Variants in ALDH5A1 observed in about 807,000 individuals in gnomAD.
ALDH5A1 encodes succinate-semialdehyde dehydrogenase, mitochondrial.
In ALDH5A1, 33 loss-of-function variants were observed where a neutral mutation model predicts 54.7. The ratio of observed to expected loss-of-function variants is 0.60; its 90% CI spans 0.46 to 0.81. The LOEUF (loss-of-function observed/expected upper bound fraction) is 0.81, where lower values mean the gene tolerates loss of function less well. ALDH5A1 is among the 30% of genes least tolerant of loss of function. The pLI is 0.00. For synonymous variants in ALDH5A1, 294 were observed against 292.7 expected (o/e 1.00, Z -0.05); for missense variants, 657 against 711.0 (o/e 0.92, Z 0.86).
Position 24,536,877 on chromosome 6 carries a change from A to G in ALDH5A1, c.*3165A>G, listed in dbSNP as rs546595098. 6.5e-6 allele frequency: 1 copy of G among 152,756 alleles called. No individual in the cohort carries two copies. Among genetic ancestry groups the G allele is most frequent in the South Asian group, 2.1e-4 (1 of 4,828 alleles). The allele number at this position is 152,756 out of a possible 1,614,324, so 9.5% of individuals were successfully genotyped here. A position where few individuals can be genotyped will look rare whatever the true frequency, so the allele number is the denominator to read the frequency against. ...AAAGATCAGAAGCAAATGTGAGCAA[A>G]TCTGTTTTACTGTTAACTTCAATTA... is the stretch of plus-strand genomic sequence containing the variant. On this transcript the variant is annotated 3_prime_UTR_variant, in exon 10 of 10. Coordinates refer to ENST00000357578, the MANE Select transcript of ALDH5A1 (RefSeq NM_001080.3).
At chr6:24,521,692 G>A (rs1759683640) in intron 6 of ALDH5A1, among the ~76,000 whole-genome samples, 1 of 151,902 alleles carries the variant, frequency 6.6e-6, no homozygotes, top group African/African-American at 2.4e-5. Flanking sequence ...AATACAAAAT[G>A]TCAATATATG....
intron 8 of ALDH5A1, among the ~76,000 whole-genome samples, chr6:24,528,527 T>A (rs1180774485): frequency 6.6e-6 from 1 of 151,848 alleles, no homozygotes; most frequent in Non-Finnish European, 1.5e-5. Flanking sequence ...CATACCAGGC[T>A]AATTTTTTGT....
chr6:24,499,339 T>G (rs1451175811), intron 1 of ALDH5A1, among the ~76,000 whole-genome samples: 4 of 152,166 alleles, frequency 2.6e-5, no homozygotes, highest in African/African-American at 9.7e-5. Context: ...CCTGTGCAGA[T>G]GTGGGAAGCT....
intron 4 of ALDH5A1, among the ~76,000 whole-genome samples, chr6:24,511,355 G>T (rs925563673): frequency 2.0e-5 from 3 of 152,078 alleles, no homozygotes; most frequent in African/African-American, 7.2e-5. Flanking sequence ...CTTGTATTTG[G>T]ATGTCTAGGT....
chr6:24,525,370 C>A (rs914079755), intron 7 of ALDH5A1, among the ~76,000 whole-genome samples: 11 of 151,996 alleles, frequency 7.2e-5, no homozygotes, highest in Non-Finnish European at 1.6e-4. Context: ...AGAATGCACT[C>A]ACACCTATAT....
intron 8 of ALDH5A1, among the ~76,000 whole-genome samples, 161 bp downstream of exon 8, chr6:24,528,327 T>A (rs1759862037): frequency 6.6e-6 from 1 of 152,134 alleles, no homozygotes; most frequent in African/African-American, 2.4e-5. Context: ...TTTAAAAAAA[T>A]CATAACTTAT....
At chr6:24,520,657 T>C in intron 6 of ALDH5A1, 113 bp downstream of exon 6, 1 of 1,478,818 alleles carries the variant, frequency 6.8e-7, no homozygotes, top group East Asian at 2.5e-5. Flanking sequence ...TGCGTGTGTG[T>C]GTGTTACAAA....
intron 4 of ALDH5A1, among the ~76,000 whole-genome samples, chr6:24,510,154 G>T (rs1759435241): frequency 6.6e-6 from 1 of 152,070 alleles, no homozygotes; most frequent in Non-Finnish European, 1.5e-5. Flanking sequence ...TTATTCCACT[G>T]TGGTCTGAGA....
intron 5 of ALDH5A1, 86 bp from the exon 6 acceptor site, chr6:24,520,315 C>A (rs1314264153): frequency 2.6e-6 from 4 of 1,562,790 alleles, no homozygotes. Flanking sequence ...TTGCTTTTTT[C>A]ACCATTTGGT....
At position 24,495,113 on chromosome 6, in the gene ALDH5A1, C is replaced by A; in HGVS notation, c.117C>A (p.Pro39=). Residue 39 remains proline (P), a synonymous_variant, in exon 1 of 10, where the codon CCC becomes CCA. Coordinates refer to ENST00000357578, the MANE Select transcript of ALDH5A1 (RefSeq NM_001080.3). ...GGLVPASGPA[P]GPAQLRCYAG... ...TGGTCCCTGCCTCCGGGCCTGCGCCCGGCCCGGCCCAGCTCCGCTGCTACG... is the reference window on the plus strand; with the variant it reads ...TGGTCCCTGCCTCCGGGCCTGCGCCAGGCCCGGCCCAGCTCCGCTGCTACG... The A allele has an allele frequency of 7.6e-7, 1 of 1,311,064 alleles. No homozygotes were observed. Among genetic ancestry groups the A allele is most frequent in the South Asian group, 2.3e-5 (1 of 42,806 alleles). The allele number at this position is 1,311,064 out of a possible 1,614,324, so 81.2% of individuals were successfully genotyped here.
chr6:24,526,974 G>A (rs1192365357), intron 7 of ALDH5A1, among the ~76,000 whole-genome samples: 1,136 of 30,422 alleles, frequency 0.037, 97 homozygotes, highest in African/African-American at 0.09. Flanking sequence ...ATGTGTGTGT[G>A]TATATATATA....
intron 4 of ALDH5A1, among the ~76,000 whole-genome samples, chr6:24,506,152 T>A (rs560771722): frequency 9.2e-5 from 14 of 151,504 alleles, no homozygotes; most frequent in Admixed American, 5.3e-4. Context: ...CTGCAGAAAT[T>A]CCTATAGAAA....
At chr6:24,520,687 C>A in intron 6 of ALDH5A1, 143 bp downstream of exon 6, 1 of 1,256,380 alleles carries the variant, frequency 8.0e-7, no homozygotes, top group Non-Finnish European at 1.1e-6. Flanking sequence ...ACCTCTACTG[C>A]CTTATATCCC....
chr6:24,517,411 A>C (rs1759596396), intron 5 of ALDH5A1, among the ~76,000 whole-genome samples: 1 of 152,230 alleles, frequency 6.6e-6, no homozygotes, highest in Non-Finnish European at 1.5e-5. Context: ...TTCATAATAG[A>C]AATAGGAATT....
At chr6:24,501,936 T>G (rs1439722047) in intron 1 of ALDH5A1, among the ~76,000 whole-genome samples, 1 of 147,566 alleles carries the variant, frequency 6.8e-6, no homozygotes, top group African/African-American at 2.6e-5. Flanking sequence ...TATGTGTGTG[T>G]GTGTATATAT....
Position 24,535,080 on chromosome 6 carries a change from G to A in ALDH5A1, c.*1368G>A, listed in dbSNP as rs1384395335. 2 of 152,248 alleles carry A rather than the reference G, an allele frequency of 1.3e-5. No homozygotes were observed. Among genetic ancestry groups the A allele is most frequent in the Non-Finnish European group, 2.9e-5 (2 of 68,048 alleles). 9.4% of individuals were successfully genotyped at this position (152,248 alleles called of 1,614,324 possible). On this transcript the variant is annotated 3_prime_UTR_variant, in exon 10 of 10. Coordinates refer to ENST00000357578, the MANE Select transcript of ALDH5A1 (RefSeq NM_001080.3). Reference sequence around the variant, plus strand: ...AATCCAATTAGGCGGCCAAGTAGGTGGAGACGAAGCACCTTCCTTTCCCCA... The same window carrying A: ...AATCCAATTAGGCGGCCAAGTAGGTAGAGACGAAGCACCTTCCTTTCCCCA...
chr6:24,509,232 G>T lies in ALDH5A1; in HGVS notation c.726+4247G>T, dbSNP rs1759416331. Among the ~76,000 whole-genome samples the T allele has an allele frequency of 6.6e-6, 1 of 152,186 alleles. No individual in the cohort carries two copies. Among genetic ancestry groups the T allele is most frequent in the African/African-American group, 2.4e-5 (1 of 41,450 alleles). On this transcript the variant is annotated intron_variant, in intron 4 of 9. Coordinates refer to ENST00000357578, the MANE Select transcript of ALDH5A1 (RefSeq NM_001080.3). The surrounding 1 kb of genome is among the most constrained non-coding windows in gnomAD (Gnocchi z 4.7). ...AGGGTTTTTCCAATGTTATCTTCTAGAATTTTTATAGTTTCAGGTCTTAGA... is the reference window on the plus strand; with the variant it reads ...AGGGTTTTTCCAATGTTATCTTCTATAATTTTTATAGTTTCAGGTCTTAGA...
At position 24,518,515 on chromosome 6, in the gene ALDH5A1, T is replaced by C. The variant is rs1759614947; in HGVS notation, c.871-1886T>C. ...GAGTGACCCAACAGTGAGAATCATT[T>C]TTGCACTGAAGCAAATCCAGGAAAA... On this transcript the variant is annotated intron_variant, in intron 5 of 9. Transcript: ENST00000357578. This position sits in a 1 kb window ranked among gnomAD's most constrained non-coding sequence, Gnocchi z 4.2. 1.3e-5 allele frequency among the ~76,000 whole-genome samples: 2 copies of C among 152,188 alleles called. No homozygotes were observed. Among genetic ancestry groups the C allele is most frequent in the Admixed American group, 6.5e-5 (1 of 15,278 alleles).
chr6:24,501,193 C>T (rs2245674), intron 1 of ALDH5A1, among the ~76,000 whole-genome samples: 50,066 of 152,050 alleles, frequency 0.33, 8,599 homozygotes, highest in African/African-American at 0.39. Context: ...GCTATCAAGC[C>T]GGATTCCTTA....
Sources: allele counts gnomAD v4.1 joint callset (sites outside exome capture counted in the v4.1 genomes callset), GRCh38; gene constraint gnomAD v4.1.1; non-coding constraint Gnocchi (gnomAD v3.1); transcripts MANE v1.5; gene names NCBI Gene and HGNC (gene_info 2026-07-23, HGNC 2026-07-21).